Variants in MAMDC2 observed in about 807,000 individuals in gnomAD.
MAMDC2 encodes the protein MAM domain containing 2.
A neutral mutation model predicts 89.8 loss-of-function variants in MAMDC2; 57 were observed. The ratio of observed to expected loss-of-function variants is 0.63; its 90% CI spans 0.51 to 0.79. MAMDC2 has a LOEUF of 0.79. Among genes scored for constraint, MAMDC2 ranks in the 30% least tolerant of loss-of-function variants. MAMDC2 has a pLI of 0.00. For missense variants in MAMDC2, 800 were observed against 820.6 expected, an observed-to-expected ratio of 0.97 and a Z score of 0.31; for synonymous variants, 313 against 293.4, an observed-to-expected ratio of 1.07 and a Z score of -0.68.
chr9:70,060,723 A>C (rs1411142699), intron 2 of MAMDC2: 2 of 152,138 alleles, frequency 1.3e-5, no homozygotes, highest in Non-Finnish European at 2.9e-5. Context: ...TGTCAGAGAG[A>C]GAGAGAAAGA....
At chr9:70,129,932 C>G (rs949588750) in intron 6 of MAMDC2, among the ~76,000 whole-genome samples, 20 of 151,684 alleles carry the variant, frequency 1.3e-4, no homozygotes, top group Non-Finnish European at 1.9e-4. Context: ...TGCCTCTCTC[C>G]CATTTCTGGT....
intron 11 of MAMDC2, among the ~76,000 whole-genome samples, chr9:70,199,004 T>C (rs1322044499): frequency 1.3e-5 from 2 of 152,108 alleles, no homozygotes; most frequent in Non-Finnish European, 2.9e-5. Flanking sequence ...AGCTCCAGAT[T>C]ATTAAAGTCT....
In MAMDC2 at chr9:70,130,318, A is replaced by G. The variant is rs116001135; in HGVS notation, c.901-1201A>G. Among the ~76,000 whole-genome samples, 854 of 152,218 alleles carry G rather than the reference A, an allele frequency of 5.6e-3. 8 individuals carry two copies. Among genetic ancestry groups the G allele is most frequent in the African/African-American group, 0.019 (804 of 41,538 alleles). Reference sequence around the variant, plus strand: ...CTGAGTGACAGCTGCCCTTTTAGACAGGGTTTCTGTCTCTATTTCACAAGA... The same window carrying G: ...CTGAGTGACAGCTGCCCTTTTAGACGGGGTTTCTGTCTCTATTTCACAAGA... On this transcript the variant is annotated intron_variant, in intron 6 of 13. Coordinates refer to ENST00000377182, the MANE Select transcript of MAMDC2 (RefSeq NM_153267.5).
At chr9:70,076,727 T>C (rs1233645683) in intron 2 of MAMDC2, among the ~76,000 whole-genome samples, 2 of 152,192 alleles carry the variant, frequency 1.3e-5, no homozygotes, top group Admixed American at 1.3e-4. Flanking sequence ...TTTGGATCAC[T>C]TGCTTGTGGT....
chr9:70,139,025 TTTTTC>T (rs1226782098), intron 7 of MAMDC2, among the ~76,000 whole-genome samples: 2 of 152,008 alleles, frequency 1.3e-5, no homozygotes, highest in Non-Finnish European at 2.9e-5. Context: ...CCTTTTCTCT[TTTTTC>T]TTTTAAAATT....
chr9:70,201,989 C>T (rs569184455), intron 11 of MAMDC2, among the ~76,000 whole-genome samples: 1 of 151,210 alleles, frequency 6.6e-6, no homozygotes, highest in African/African-American at 2.4e-5. Flanking sequence ...TTTTGTTGAT[C>T]CTTTCAAAAA....
intron 2 of MAMDC2, among the ~76,000 whole-genome samples, chr9:70,060,139 T>A (rs899700037): frequency 6.6e-6 from 1 of 152,230 alleles, no homozygotes; most frequent in African/African-American, 2.4e-5. Flanking sequence ...TCAACCCTGC[T>A]GAACTCTAAG....
At chr9:70,050,316 C>T (rs147466700) in intron 2 of MAMDC2, among the ~76,000 whole-genome samples, 2 of 152,324 alleles carry the variant, frequency 1.3e-5, no homozygotes, top group East Asian at 1.9e-4. Flanking sequence ...AGATCACAAA[C>T]ATATCCTTAA....
intron 11 of MAMDC2, among the ~76,000 whole-genome samples, chr9:70,198,797 G>C (rs73448682): frequency 0.012 from 1,805 of 152,242 alleles, 27 homozygotes; most frequent in African/African-American, 0.04. Context: ...AGAACTTCTT[G>C]TGTGATTGAA....
intron 5 of MAMDC2, among the ~76,000 whole-genome samples, chr9:70,120,199 A>G (rs2030222469): frequency 1.3e-5 from 2 of 152,112 alleles, no homozygotes; most frequent in South Asian, 2.1e-4. Flanking sequence ...ACGGGTCCCT[A>G]TAGTCAGTTT....
intron 7 of MAMDC2, among the ~76,000 whole-genome samples, chr9:70,138,503 T>C (rs964635894): frequency 6.6e-6 from 1 of 152,204 alleles, no homozygotes; most frequent in African/African-American, 2.4e-5. Flanking sequence ...ATAGTGGCTG[T>C]GCTAGTTTAC....
rs555662191 is a variant in MAMDC2 at position 70,111,686 on chromosome 9, C to A, written c.506-1309C>A. ...AAATCTTAGAAATGTTCAGTGCTTG[C>A]TAATGTAAAAACACATTGCTGACTA... On this transcript the variant is annotated intron_variant, in intron 4 of 13. Coordinates refer to ENST00000377182, the MANE Select transcript of MAMDC2 (RefSeq NM_153267.5). Among the ~76,000 whole-genome samples, 4 of 152,292 alleles carry A rather than the reference C, an allele frequency of 2.6e-5. No homozygotes were observed. In the East Asian group the frequency reaches 7.7e-4, roughly 29 times the overall value.
chr9:70,131,674 TC>T, intron 7 of MAMDC2, 62 bp downstream of exon 7: 1 of 1,225,146 alleles, frequency 8.2e-7, no homozygotes, highest in Non-Finnish European at 1.2e-6. Flanking sequence ...ATGTTTGTGG[TC>T]AGAACTTGTT....
intron 2 of MAMDC2, among the ~76,000 whole-genome samples, chr9:70,105,612 C>T (rs1828319740): frequency 6.6e-6 from 1 of 152,100 alleles, no homozygotes; most frequent in Admixed American, 6.6e-5. Context: ...TAAAATAACC[C>T]ACATTTATGG....
chr9:70,156,262 A>G (rs1208195779), intron 9 of MAMDC2, among the ~76,000 whole-genome samples: 2 of 152,212 alleles, frequency 1.3e-5, no homozygotes, highest in African/African-American at 4.8e-5. Context: ...CTATGCCCTT[A>G]CAGAATGACA....
intron 9 of MAMDC2, among the ~76,000 whole-genome samples, chr9:70,168,176 G>A (rs908145598): frequency 1.3e-5 from 2 of 152,058 alleles, no homozygotes; most frequent in South Asian, 2.1e-4. Flanking sequence ...ACAATATATC[G>A]TTATATTCTG....
chr9:70,115,999 A>G lies in MAMDC2; in HGVS notation c.643+2867A>G, dbSNP rs997152403. Among the ~76,000 whole-genome samples, 3 of 152,222 alleles carry G rather than the reference A, an allele frequency of 2.0e-5. No individual in the cohort carries two copies. The South Asian group carries it at 6.2e-4, about 32-fold the overall frequency. The stretch of plus-strand genomic sequence containing the variant: ...CTGTCATATCTTAAGAATCTAATAC[A>G]AGGAACAGAAAGGATCTTGAAAGGC... On this transcript the variant is annotated intron_variant, in intron 5 of 13. Coordinates refer to ENST00000377182, the MANE Select transcript of MAMDC2 (RefSeq NM_153267.5).
chr9:70,046,375 G>A (rs772526063), intron 2 of MAMDC2, among the ~76,000 whole-genome samples: 1 of 152,234 alleles, frequency 6.6e-6, no homozygotes, highest in Non-Finnish European at 1.5e-5. Flanking sequence ...TGCAGGACCC[G>A]AGAGTGAACA....
At chr9:70,178,347 G>T (rs975788498) in intron 11 of MAMDC2, among the ~76,000 whole-genome samples, 1 of 151,544 alleles carries the variant, frequency 6.6e-6, no homozygotes, top group Admixed American at 6.6e-5. Flanking sequence ...GAGCAAGAGG[G>T]AACCAAACTC....
Sources: allele counts gnomAD v4.1 joint callset (sites outside exome capture counted in the v4.1 genomes callset), GRCh38; gene constraint gnomAD v4.1.1; transcripts MANE v1.5; gene names NCBI Gene and HGNC (gene_info 2026-07-23, HGNC 2026-07-21).